Variants in FSTL4 observed in about 807,000 individuals in gnomAD.
FSTL4 encodes follistatin like 4.
A neutral mutation model predicts 78.2 loss-of-function variants in FSTL4; 28 were observed. That is an observed-to-expected ratio of 0.36 (90% CI 0.27 to 0.49). The LOEUF (loss-of-function observed/expected upper bound fraction) is 0.49. Among genes scored for constraint, FSTL4 ranks in the 20% least tolerant of loss-of-function variants. FSTL4 has a pLI of 0.98. For missense variants in FSTL4, 922 were observed against 1,084.9 expected (o/e 0.85, Z 2.11); for synonymous variants, 422 against 440.5 (o/e 0.96, Z 0.53).
chr5:133,673,963 C>T, the FSTL4 span, among the ~76,000 whole-genome samples: 1,221 of 152,232 alleles, frequency 8.0e-3, 20 homozygotes, highest in African/African-American at 0.028. Flanking sequence ...TTGTTTTTGC[C>T]TTAATAATGA....
chr5:133,806,833 G>C, the FSTL4 span, among the ~76,000 whole-genome samples: 3 of 152,172 alleles, frequency 2.0e-5, no homozygotes, highest in South Asian at 4.1e-4. Flanking sequence ...CCTGGAGGGG[G>C]GCACCCTGCT....
chr5:133,408,388 A>G (rs1007592523), intron 3 of FSTL4, among the ~76,000 whole-genome samples: 5 of 151,946 alleles, frequency 3.3e-5, no homozygotes, highest in African/African-American at 1.2e-4. Flanking sequence ...TCACAAAAAG[A>G]CCCCAGAAAG....
chr5:133,208,293 C>T (rs1458720754), intron 14 of FSTL4: 3 of 152,124 alleles, frequency 2.0e-5, no homozygotes, highest in African/African-American at 7.2e-5. Flanking sequence ...GGGAATAGAA[C>T]CCTTGGAGCG....
rs138705749 is a variant in FSTL4, at chr5:133,367,965, G to C, written c.409+32773C>G. Reference sequence around the variant, plus strand: ...ACCCAGATCCAACAGGCAGGATCAAGATCCCAGAGTCTAAGACTTTGGTGG... The same window carrying C: ...ACCCAGATCCAACAGGCAGGATCAACATCCCAGAGTCTAAGACTTTGGTGG... On this transcript the variant is annotated intron_variant, in intron 4 of 15. Transcript: ENST00000265342. Among the ~76,000 whole-genome samples, 152 of 152,370 alleles carry C rather than the reference G, an allele frequency of 1.0e-3. 1 individual carries two copies. The highest frequency in any genetic ancestry group is 3.5e-3 in the African/African-American group (145 of 41,592).
intron 6 of FSTL4, among the ~76,000 whole-genome samples, chr5:133,276,486 C>T (rs1379432949): frequency 6.6e-6 from 1 of 152,162 alleles, no homozygotes; most frequent in Non-Finnish European, 1.5e-5. Context: ...GACCCAAAGG[C>T]AGGGAGGGCC....
intron 3 of FSTL4, among the ~76,000 whole-genome samples, chr5:133,409,481 C>A (rs1403162988): frequency 6.6e-6 from 1 of 152,192 alleles, no homozygotes; most frequent in Non-Finnish European, 1.5e-5. Context: ...GCTTTCCCCC[C>A]AGCCCTCCCA....
the FSTL4 span, among the ~76,000 whole-genome samples, chr5:133,782,986 A>G: frequency 2.0e-5 from 3 of 152,158 alleles, no homozygotes; most frequent in African/African-American, 7.2e-5. Context: ...TTCTGTAGGC[A>G]TTCCAATGAT....
chr5:133,822,160 G>A, the FSTL4 span, among the ~76,000 whole-genome samples: 86 of 152,280 alleles, frequency 5.6e-4, 1 homozygote, highest in African/African-American at 2.0e-3. Context: ...GATAAACAGA[G>A]TTCACCCCAG....
intron 3 of FSTL4, among the ~76,000 whole-genome samples, chr5:133,541,927 G>GAC (rs61471971): frequency 0.24 from 36,285 of 148,226 alleles, 4,468 homozygotes; most frequent in Admixed American, 0.33. Flanking sequence ...GAATGTTACA[G>GAC]ACACACACAC....
rs1432045668 is a variant in FSTL4 at position 133,473,101 on chromosome 5, C to T, written c.161-72115G>A. Among the ~76,000 whole-genome samples, 4 of 152,184 alleles carry T rather than the reference C, an allele frequency of 2.6e-5. No homozygotes were observed. The East Asian group carries it at 7.7e-4, about 29-fold the overall frequency. ...CCTCCCTGTTTCTTTAGACACTTTT[C>T]CTCCCAGTAGGGGCAGCTGTTGATT... On this transcript the variant is annotated intron_variant, in intron 3 of 15. Coordinates refer to ENST00000265342, the MANE Select transcript of FSTL4 (RefSeq NM_015082.2).
intron 4 of FSTL4, among the ~76,000 whole-genome samples, chr5:133,354,069 T>C (rs13153023): frequency 0.17 from 25,579 of 152,186 alleles, 2,483 homozygotes; most frequent in East Asian, 0.38. Context: ...GCTCCTGCTA[T>C]GTGGCCTCAG....
intron 6 of FSTL4, among the ~76,000 whole-genome samples, chr5:133,290,505 G>A (rs1581596503): frequency 1.3e-5 from 2 of 152,364 alleles, no homozygotes; most frequent in African/African-American, 4.8e-5. Flanking sequence ...GCAGCCTTGG[G>A]GAGGGGTCCC....
At chr5:133,826,280 A>AT in the FSTL4 span, among the ~76,000 whole-genome samples, 1 of 152,200 alleles carries the variant, frequency 6.6e-6, no homozygotes, top group Non-Finnish European at 1.5e-5. Context: ...TGCCACAGTG[A>AT]TTGCAAAGGG....
chr5:133,273,825 C>T (rs4958112), intron 6 of FSTL4, among the ~76,000 whole-genome samples: 65,889 of 151,818 alleles, frequency 0.43, 17,015 homozygotes, highest in East Asian at 0.8. Context: ...GGTCCATATC[C>T]GCCTCTCACT....
At chr5:133,743,712 A>G in the FSTL4 span, among the ~76,000 whole-genome samples, 1 of 152,360 alleles carries the variant, frequency 6.6e-6, no homozygotes, top group South Asian at 2.1e-4. Flanking sequence ...AGATACTAGC[A>G]GGCAAAGCTA....
At chr5:133,652,540 C>G in the FSTL4 span, among the ~76,000 whole-genome samples, 1 of 151,866 alleles carries the variant, frequency 6.6e-6, no homozygotes, top group African/African-American at 2.4e-5. Flanking sequence ...TGCTTAATTT[C>G]ACAGTATTTG....
chr5:133,699,874 C>T, the FSTL4 span, among the ~76,000 whole-genome samples: 2 of 111,756 alleles, frequency 1.8e-5, no homozygotes, highest in South Asian at 6.4e-4. Context: ...GAGTGAGACT[C>T]CATCTCAAAA....
intron 4 of FSTL4, among the ~76,000 whole-genome samples, chr5:133,324,851 T>G (rs1277239025): frequency 6.6e-6 from 1 of 152,222 alleles, no homozygotes; most frequent in African/African-American, 2.4e-5. Flanking sequence ...TCACCCATCA[T>G]GTCAGTTCCT....
At chr5:133,229,770 C>T (rs1751435441) in intron 8 of FSTL4, among the ~76,000 whole-genome samples, 1 of 152,142 alleles carries the variant, frequency 6.6e-6, no homozygotes, top group Admixed American at 6.5e-5. Context: ...ACAAAGCTGT[C>T]AATTCAATAC....
Sources: allele counts gnomAD v4.1 joint callset (sites outside exome capture counted in the v4.1 genomes callset), GRCh38; gene constraint gnomAD v4.1.1; transcripts MANE v1.5; gene names NCBI Gene and HGNC (gene_info 2026-07-23, HGNC 2026-07-21).